AGAP1: variants seen among roughly 807,000 people sequenced by gnomAD.
AGAP1 encodes the protein ArfGAP with GTPase domain, ankyrin repeat and PH domain 1.
Under a neutral mutation model 105.3 loss-of-function variants are expected in AGAP1, and 29 were observed. The observed-to-expected ratio is 0.28, with a 90% CI of 0.21 to 0.38. The LOEUF is 0.38. Ranked by LOEUF, AGAP1 falls within the 10% of genes least tolerant of loss-of-function variation. The pLI, the probability that AGAP1 is intolerant of heterozygous loss-of-function variation, is 1.00. For missense variants in AGAP1, 998 were observed against 1,165.1 expected, an observed-to-expected ratio of 0.86 and a Z score of 2.09; for synonymous variants, 509 against 485.9, an observed-to-expected ratio of 1.05 and a Z score of -0.63.
chr2:235,749,755 T>A (rs1465574066), intron 5 of AGAP1, among the ~76,000 whole-genome samples: 3 of 152,228 alleles, frequency 2.0e-5, no homozygotes, highest in Non-Finnish European at 2.9e-5. Flanking sequence ...GTTAACAGTG[T>A]GGCCATCTTA....
intron 1 of AGAP1, among the ~76,000 whole-genome samples, chr2:235,707,402 C>T (rs1272638220): frequency 2.8e-5 from 4 of 144,294 alleles, no homozygotes; most frequent in East Asian, 2.1e-4. Flanking sequence ...CACTCGGCAT[C>T]GGGAGACCCT....
At chr2:235,570,643 G>A (rs1302642987) in intron 1 of AGAP1, among the ~76,000 whole-genome samples, 1 of 152,178 alleles carries the variant, frequency 6.6e-6, no homozygotes, top group Non-Finnish European at 1.5e-5. Context: ...TTTGGCCTCG[G>A]CATTAGAGAC....
chr2:235,599,516 C>T lies in AGAP1; in HGVS notation c.163+104667C>T, dbSNP rs571126829. Among the ~76,000 whole-genome samples, 4 of 152,148 alleles carry T rather than the reference C, an allele frequency of 2.6e-5. No homozygotes were observed. The highest frequency in any genetic ancestry group is 1.3e-4 in the Admixed American group (2 of 15,282). On this transcript the variant is annotated intron_variant, in intron 1 of 17. Coordinates refer to ENST00000304032, the MANE Select transcript of AGAP1 (RefSeq NM_001037131.3). This position sits in a 1 kb window ranked among gnomAD's most constrained non-coding sequence, Gnocchi z 5.3. Reference sequence around the variant, plus strand: ...AGCTATCTTACTCTTTATTCCATAGCCACAAAAATAAGTTTATAAAAAGCC... The same window carrying T: ...AGCTATCTTACTCTTTATTCCATAGTCACAAAAATAAGTTTATAAAAAGCC...
intron 1 of AGAP1, among the ~76,000 whole-genome samples, chr2:235,613,797 G>A (rs1946218884): frequency 6.6e-6 from 1 of 152,192 alleles, no homozygotes; most frequent in South Asian, 2.1e-4. Context: ...ATTGGCGCGG[G>A]CCTCCCTGTA....
At chr2:235,774,509 G>T in intron 6 of AGAP1, 1 of 353,636 alleles carries the variant, frequency 2.8e-6, no homozygotes, top group Non-Finnish European at 5.8e-6. Flanking sequence ...AAACCTTTAA[G>T]TGTAGTAGCC....
chr2:235,826,617 T>C (rs1293075148), intron 9 of AGAP1, among the ~76,000 whole-genome samples: 4 of 152,000 alleles, frequency 2.6e-5, no homozygotes, highest in African/African-American at 7.2e-5. Context: ...ACCCAGCTAA[T>C]TTTTGTATTT....
At chr2:235,527,190 G>A (rs76630986) in intron 1 of AGAP1, among the ~76,000 whole-genome samples, 1 of 152,172 alleles carries the variant, frequency 6.6e-6, no homozygotes, top group Non-Finnish European at 1.5e-5. Context: ...AGAGGAGGAG[G>A]ATTCAGGGAG....
Position 235,747,703 on chromosome 2 carries a change from C to T in AGAP1, c.539-2651C>T, listed in dbSNP as rs1479054422. On this transcript the variant is annotated intron_variant, in intron 5 of 17. Coordinates refer to ENST00000304032, the MANE Select transcript of AGAP1 (RefSeq NM_001037131.3). The surrounding 1 kb of genome is among the most constrained non-coding windows in gnomAD (Gnocchi z 5.0). ...TCCCTGCCGCGACGCTTGCTTCCTGCGTGCAGACTTGCTCTCCGTGAAGCC... is the reference window on the plus strand; with the variant it reads ...TCCCTGCCGCGACGCTTGCTTCCTGTGTGCAGACTTGCTCTCCGTGAAGCC... Among the ~76,000 whole-genome samples the T allele has an allele frequency of 3.3e-5, 5 of 152,226 alleles. No individual in the cohort carries two copies. The highest frequency in any genetic ancestry group is 6.5e-5 in the Admixed American group (1 of 15,290).
chr2:235,500,264 A>G (rs1457349906), intron 1 of AGAP1, among the ~76,000 whole-genome samples: 4 of 151,456 alleles, frequency 2.6e-5, no homozygotes, highest in East Asian at 3.9e-4. Flanking sequence ...ATGATATAGT[A>G]TCTTTGGCGT....
At chr2:235,715,291 C>T (rs1951045375) in intron 2 of AGAP1, among the ~76,000 whole-genome samples, 1 of 152,122 alleles carries the variant, frequency 6.6e-6, no homozygotes, top group East Asian at 1.9e-4. Flanking sequence ...GACAAGTGTA[C>T]AGATTCGGAG....
chr2:235,707,018 A>G (rs758903517), intron 1 of AGAP1, among the ~76,000 whole-genome samples: 1 of 152,244 alleles, frequency 6.6e-6, no homozygotes, highest in Admixed American at 6.5e-5. Context: ...CGTTCCTCGC[A>G]TCATCTGTCC....
At chr2:235,587,901 A>G (rs1256620304) in intron 1 of AGAP1, among the ~76,000 whole-genome samples, 14 of 151,888 alleles carry the variant, frequency 9.2e-5, no homozygotes, top group Admixed American at 7.9e-4. Flanking sequence ...GCAGCTTCCC[A>G]TGAACGGAAG....
At position 235,845,416 on chromosome 2, in the gene AGAP1, C is replaced by T. The variant is rs1309484498; in HGVS notation, c.1051-37929C>T. ...TGGAAGCAGAAAATCATATGATACC[C>T]TGAGTTCCTGAGTCAGCAAACGGAA... On this transcript the variant is annotated intron_variant, in intron 9 of 17. Coordinates refer to ENST00000304032, the MANE Select transcript of AGAP1 (RefSeq NM_001037131.3). The surrounding 1 kb of genome is among the most constrained non-coding windows in gnomAD (Gnocchi z 4.8). Among the ~76,000 whole-genome samples, 3 of 152,078 alleles carry T rather than the reference C, an allele frequency of 2.0e-5. No individual in the cohort carries two copies. Among genetic ancestry groups the T allele is most frequent in the Non-Finnish European group, 4.4e-5 (3 of 68,022 alleles).
rs2049669007 is a variant in AGAP1 at position 235,875,395 on chromosome 2, T to G, written c.1051-7950T>G. Among the ~76,000 whole-genome samples, 1 of 152,144 alleles carries G rather than the reference T, an allele frequency of 6.6e-6. No homozygotes were observed. Among genetic ancestry groups the G allele is most frequent in the South Asian group, 2.1e-4 (1 of 4,812 alleles). On this transcript the variant is annotated intron_variant, in intron 9 of 17. Coordinates refer to ENST00000304032, the MANE Select transcript of AGAP1 (RefSeq NM_001037131.3). This position sits in a 1 kb window ranked among gnomAD's most constrained non-coding sequence, Gnocchi z 4.0. ...CACCATCGTGCTGTCTGCTGAGAGA[T>G]CTGATTCCCAGCGGACCGGCCTTCC...
intron 3 of AGAP1, among the ~76,000 whole-genome samples, chr2:235,738,409 G>A (rs964008522): frequency 6.6e-6 from 1 of 152,210 alleles, no homozygotes; most frequent in Admixed American, 6.5e-5. Context: ...CGTGCTGGAG[G>A]TCACTCAGCC....
At chr2:235,590,712 T>TGTGTGTGTGTGTGTGTGTGC (rs369129304) in intron 1 of AGAP1, among the ~76,000 whole-genome samples, 1 of 117,026 alleles carries the variant, frequency 8.5e-6, no homozygotes, top group Non-Finnish European at 1.7e-5. Context: ...TGTGTGTGTG[T>TGTGTGTGTGTGTGTGTGTGC]GCATTTTTTT....
intron 6 of AGAP1, among the ~76,000 whole-genome samples, chr2:235,770,997 G>A (rs976419469): frequency 5.9e-5 from 9 of 152,172 alleles, no homozygotes; most frequent in Non-Finnish European, 8.8e-5. Context: ...GGAGGGAGAA[G>A]GGTCCACGTG....
Position 235,625,920 on chromosome 2 carries a change from A to C in AGAP1, c.164-83259A>C, listed in dbSNP as rs569097419. On this transcript the variant is annotated intron_variant, in intron 1 of 17. Coordinates refer to ENST00000304032, the MANE Select transcript of AGAP1 (RefSeq NM_001037131.3). The surrounding 1 kb of genome is among the most constrained non-coding windows in gnomAD (Gnocchi z 4.0). ...CACATTTATTCTTGAAATTCCACACAGAGAAAGGTGTTTCGGGGAAGTAGA... is the reference window on the plus strand; with the variant it reads ...CACATTTATTCTTGAAATTCCACACCGAGAAAGGTGTTTCGGGGAAGTAGA... Among the ~76,000 whole-genome samples, 3 of 152,356 alleles carry C rather than the reference A, an allele frequency of 2.0e-5. No homozygotes were observed. The highest frequency in any genetic ancestry group is 7.2e-5 in the African/African-American group (3 of 41,588).
chr2:236,054,743 T>C (rs1214275261), intron 16 of AGAP1, among the ~76,000 whole-genome samples: 2 of 152,326 alleles, frequency 1.3e-5, no homozygotes, highest in East Asian at 3.9e-4. Flanking sequence ...GATCTCCCTG[T>C]CTGCCCTCAT....
Sources: gnomAD v4.1 joint callset for allele counts (sites outside exome capture counted in the v4.1 genomes callset) on GRCh38, gnomAD v4.1.1 for gene constraint, Gnocchi (gnomAD v3.1) non-coding constraint, MANE v1.5 for transcripts, NCBI Gene and HGNC (gene_info 2026-07-23, HGNC 2026-07-21) for gene names.